Variants in EGFLAM observed in about 807,000 individuals in gnomAD.
EGFLAM encodes the protein EGF like, fibronectin type III and laminin G domains.
EGFLAM carries 79 observed loss-of-function variants against 113.1 expected under a neutral mutation model. The observed-to-expected ratio is 0.70, with a 90% confidence interval of 0.58 to 0.84. The LOEUF is 0.84. EGFLAM is among the 40% of genes least tolerant of loss of function. The pLI, the probability that EGFLAM is intolerant of heterozygous loss-of-function variation, is 0.00. For synonymous variants in EGFLAM, 504 were observed against 487.6 expected (o/e 1.03, Z -0.44); for missense variants, 1,265 against 1,291.6 (o/e 0.98, Z 0.32).
At chr5:38,354,144 G>T (rs1739702049) in intron 5 of EGFLAM, among the ~76,000 whole-genome samples, 1 of 152,052 alleles carries the variant, frequency 6.6e-6, no homozygotes, top group African/African-American at 2.4e-5. Context: ...CAGAGTCTAA[G>T]ATTTTTTTTT....
chr5:38,347,021 A>T (rs1011778906), intron 3 of EGFLAM, among the ~76,000 whole-genome samples: 6 of 152,168 alleles, frequency 3.9e-5, no homozygotes, highest in African/African-American at 1.4e-4. Context: ...AAGGGGCCGT[A>T]ACTTGGGCAC....
chr5:38,415,159 C>T (rs530755283), intron 11 of EGFLAM, among the ~76,000 whole-genome samples: 20 of 150,890 alleles, frequency 1.3e-4, no homozygotes, highest in African/African-American at 4.1e-4. Context: ...GTCAGGAGTT[C>T]GAGACCAGCC....
chr5:38,370,187 C>A, intron 5 of EGFLAM, 109 bp from the exon 6 acceptor site: 2 of 1,114,044 alleles, frequency 1.8e-6, no homozygotes, highest in Non-Finnish European at 2.5e-6. Flanking sequence ...CTTACTTTTA[C>A]AAGTATTGCT....
At chr5:38,282,833 T>TTTTG (rs1490710763) in intron 1 of EGFLAM, among the ~76,000 whole-genome samples, 2 of 151,970 alleles carry the variant, frequency 1.3e-5, no homozygotes, top group Admixed American at 6.6e-5. Context: ...GCATTGAGTT[T>TTTTG]TTTGTTTGTT....
intron 6 of EGFLAM, among the ~76,000 whole-genome samples, chr5:38,383,013 G>A (rs1403346104): frequency 6.6e-6 from 1 of 152,210 alleles, no homozygotes; most frequent in Non-Finnish European, 1.5e-5. Context: ...TCATCCAGCA[G>A]ATGGCAGTAG....
At chr5:38,410,580 CT>C (rs1741446585) in intron 10 of EGFLAM, among the ~76,000 whole-genome samples, 1 of 152,206 alleles carries the variant, frequency 6.6e-6, no homozygotes, top group African/African-American at 2.4e-5. Flanking sequence ...CACCGGCAGT[CT>C]CAGGATCCAT....
intron 9 of EGFLAM, among the ~76,000 whole-genome samples, 176 bp from the exon 10 acceptor site, chr5:38,408,828 G>C (rs1741377002): frequency 6.6e-6 from 1 of 152,156 alleles, no homozygotes; most frequent in Non-Finnish European, 1.5e-5. Context: ...TTTGTTTATT[G>C]AAAATGAACT....
chr5:38,377,108 T>A (rs1255093635), intron 6 of EGFLAM, among the ~76,000 whole-genome samples: 1 of 149,582 alleles, frequency 6.7e-6, no homozygotes, highest in Non-Finnish European at 1.5e-5. Flanking sequence ...CTGGAATAAC[T>A]TGTTCAACGT....
chr5:38,411,165 C>T (rs544081982), intron 10 of EGFLAM, among the ~76,000 whole-genome samples: 1 of 152,280 alleles, frequency 6.6e-6, no homozygotes, highest in South Asian at 2.1e-4. Context: ...TGCAGTGGCT[C>T]ACACCTGTAA....
At chr5:38,329,374 T>C (rs536191028) in intron 1 of EGFLAM, among the ~76,000 whole-genome samples, 1 of 152,298 alleles carries the variant, frequency 6.6e-6, no homozygotes, top group East Asian at 1.9e-4. Context: ...AATTATTTTC[T>C]ATAATTTGAG....
At chr5:38,262,789 C>T (rs919111777) in intron 1 of EGFLAM, among the ~76,000 whole-genome samples, 4 of 152,170 alleles carry the variant, frequency 2.6e-5, no homozygotes, top group African/African-American at 4.8e-5. Flanking sequence ...TTCCTAGACA[C>T]GTGCACGTAG....
intron 6 of EGFLAM, among the ~76,000 whole-genome samples, chr5:38,398,929 C>G (rs1741032298): frequency 6.6e-6 from 1 of 151,992 alleles, no homozygotes; most frequent in Non-Finnish European, 1.5e-5. Flanking sequence ...CTTTTTTTGG[C>G]CCACTTTTGA....
intron 10 of EGFLAM, among the ~76,000 whole-genome samples, chr5:38,410,651 T>C (rs527860178): frequency 6.6e-6 from 1 of 152,298 alleles, no homozygotes; most frequent in East Asian, 1.9e-4. Flanking sequence ...TTCCACCTGT[T>C]AGGCATAGTG....
At chr5:38,350,146 A>C (rs1221738288) in intron 3 of EGFLAM, among the ~76,000 whole-genome samples, 1 of 152,198 alleles carries the variant, frequency 6.6e-6, no homozygotes, top group Non-Finnish European at 1.5e-5. Context: ...CTGCAAATGG[A>C]AAGAAGGAAC....
chr5:38,328,423 TC>T (rs1359569286), intron 1 of EGFLAM, among the ~76,000 whole-genome samples: 2 of 152,186 alleles, frequency 1.3e-5, no homozygotes, highest in East Asian at 3.8e-4. Context: ...CTTTTAAGAT[TC>T]CTTCCTTATG....
At chr5:38,351,864 T>G (rs755267137) in intron 4 of EGFLAM, among the ~76,000 whole-genome samples, 2 of 152,160 alleles carry the variant, frequency 1.3e-5, no homozygotes, top group African/African-American at 2.4e-5. Context: ...CAGAAGGTTT[T>G]CCAGGGAACT....
intron 1 of EGFLAM, among the ~76,000 whole-genome samples, chr5:38,280,609 T>G (rs1757991038): frequency 6.6e-6 from 1 of 152,192 alleles, no homozygotes; most frequent in African/African-American, 2.4e-5. Context: ...GCTGGCTCCG[T>G]GACACCACTC....
intron 11 of EGFLAM, among the ~76,000 whole-genome samples, chr5:38,413,366 T>C (rs986391742): frequency 6.6e-6 from 1 of 151,894 alleles, no homozygotes; most frequent in African/African-American, 2.4e-5. Flanking sequence ...AAGCTTGCTT[T>C]TAGGGCAGGA....
intron 5 of EGFLAM, among the ~76,000 whole-genome samples, chr5:38,368,453 G>T (rs937560624): frequency 6.6e-6 from 1 of 152,130 alleles, no homozygotes; most frequent in Non-Finnish European, 1.5e-5. Flanking sequence ...TTGGGCATAA[G>T]GACTCCATCT....
Sources: gnomAD v4.1 joint callset for allele counts (sites outside exome capture counted in the v4.1 genomes callset) on GRCh38, gnomAD v4.1.1 for gene constraint, MANE v1.5 for transcripts, NCBI Gene and HGNC (gene_info 2026-07-23, HGNC 2026-07-21) for gene names.